The following SGCZ variants were observed in gnomAD, a reference collection of about 807,000 sequenced individuals.
The protein encoded by SGCZ is zeta-sarcoglycan.
SGCZ carries 40 observed loss-of-function variants against 41.3 expected under a neutral mutation model. The ratio of observed to expected loss-of-function variants is 0.97; its 90% confidence interval spans 0.75 to 1.26. SGCZ has a LOEUF of 1.26. Ranked by LOEUF, SGCZ falls within the 50% of genes most tolerant of loss-of-function variation. SGCZ has a pLI of 0.00. For missense variants in SGCZ, 552 were observed against 369.8 expected, an observed-to-expected ratio of 1.49 and a Z score of -4.04; for synonymous variants, 206 against 137.5, an observed-to-expected ratio of 1.50 and a Z score of -3.49.
At chr8:14,839,579 C>T (rs1196948220) in intron 1 of SGCZ, among the ~76,000 whole-genome samples, 1 of 152,084 alleles carries the variant, frequency 6.6e-6, no homozygotes, top group African/African-American at 2.4e-5. Flanking sequence ...TTATGTAGTG[C>T]AATAAACACT....
chr8:15,111,994 G>T (rs903128077), intron 1 of SGCZ, among the ~76,000 whole-genome samples: 2 of 151,498 alleles, frequency 1.3e-5, no homozygotes, highest in African/African-American at 4.9e-5. Flanking sequence ...TGTAAAACAC[G>T]CCAAGAACCT....
chr8:15,157,985 T>C (rs907255955), intron 1 of SGCZ, among the ~76,000 whole-genome samples: 1 of 152,198 alleles, frequency 6.6e-6, no homozygotes, highest in Non-Finnish European at 1.5e-5. Context: ...AGAACTGTCC[T>C]CACTTTTGTT....
chr8:15,059,535 A>C (rs1175103600), intron 1 of SGCZ, among the ~76,000 whole-genome samples: 1 of 152,222 alleles, frequency 6.6e-6, no homozygotes. Flanking sequence ...TTACATTTAG[A>C]AAATAATCAC....
chr8:14,102,485 G>A lies in SGCZ; in HGVS notation c.635C>T (p.Thr212Ile). 1 of 1,455,024 alleles carries A rather than the reference G, an allele frequency of 6.9e-7. No individual in the cohort carries two copies. Among genetic ancestry groups the A allele is most frequent in the Non-Finnish European group, 9.2e-7 (1 of 1,086,452 alleles). The allele number at this position is 1,455,024 out of a possible 1,614,324, so 90.1% of individuals were successfully genotyped here. A position where few individuals can be genotyped will look rare whatever the true frequency, so the allele number is the denominator to read the frequency against. The change falls in exon 7 of 8, where the codon ACC (threonine) becomes ATC (isoleucine). Residue 212 changes from threonine to isoleucine, a missense_variant. By Grantham distance (89) the Thr-to-Ile change is moderately conservative (BLOSUM62 -1). Transcript: ENST00000382080. ...PSQDLRLESPTRSLIMEAPRG... is the reference protein window; with the variant it reads ...PSQDLRLESPIRSLIMEAPRG... The stretch of plus-strand genomic sequence containing the variant: ...GGGAGCTTCCATGATCAAGGATCTG[G>A]TGGGTGATTCAAGCCTAAGGGAAAA...
At chr8:14,114,301 A>C (rs1802458572) in intron 5 of SGCZ, among the ~76,000 whole-genome samples, 1 of 152,040 alleles carries the variant, frequency 6.6e-6, no homozygotes, top group Admixed American at 6.6e-5. Flanking sequence ...CTCCTTGTTT[A>C]ACACTTTAAC....
intron 1 of SGCZ, among the ~76,000 whole-genome samples, chr8:15,173,678 A>C (rs575458698): frequency 6.6e-6 from 1 of 152,200 alleles, no homozygotes; most frequent in Admixed American, 6.5e-5. Flanking sequence ...CCTAATGTCT[A>C]TGTCTTGTAA....
intron 2 of SGCZ, among the ~76,000 whole-genome samples, chr8:14,382,945 T>C (rs1804424552): frequency 6.6e-6 from 1 of 152,142 alleles, no homozygotes; most frequent in Admixed American, 6.5e-5. Flanking sequence ...TCTCTTAGAA[T>C]CACTTCTCTC....
chr8:14,731,920 C>G (rs1810250921), intron 1 of SGCZ, among the ~76,000 whole-genome samples: 1 of 152,086 alleles, frequency 6.6e-6, no homozygotes, highest in African/African-American at 2.4e-5. Flanking sequence ...ATGTTAATAA[C>G]CTTACATATC....
chr8:14,214,043 C>A (rs899413234), intron 4 of SGCZ, among the ~76,000 whole-genome samples: 2 of 152,072 alleles, frequency 1.3e-5, no homozygotes, highest in African/African-American at 2.4e-5. Context: ...AAAAGAGTGA[C>A]TTTACAGTGG....
At chr8:14,352,280 C>T (rs1048039490) in intron 2 of SGCZ, among the ~76,000 whole-genome samples, 8 of 151,528 alleles carry the variant, frequency 5.3e-5, no homozygotes, top group Non-Finnish European at 1.0e-4. Context: ...GAGGAAGGTG[C>T]AGGAAAAGAG....
intron 4 of SGCZ, among the ~76,000 whole-genome samples, chr8:14,190,953 A>C (rs1805083163): frequency 6.6e-6 from 1 of 152,154 alleles, no homozygotes; most frequent in Non-Finnish European, 1.5e-5. Context: ...ATCAATCTAC[A>C]TTCCCACCAA....
At chr8:14,189,534 C>T (rs931248793) in intron 4 of SGCZ, among the ~76,000 whole-genome samples, 1 of 152,282 alleles carries the variant, frequency 6.6e-6, no homozygotes, top group East Asian at 1.9e-4. Flanking sequence ...GATCCTTCAC[C>T]CTGACATGTT....
At chr8:15,009,039 C>T (rs1802725577) in intron 1 of SGCZ, among the ~76,000 whole-genome samples, 2 of 152,092 alleles carry the variant, frequency 1.3e-5, no homozygotes, top group Non-Finnish European at 1.5e-5. Context: ...ATTGTCCCTC[C>T]TGTAAATGAA....
At chr8:14,254,553 C>A (rs991379628) in intron 3 of SGCZ, among the ~76,000 whole-genome samples, 25 of 152,118 alleles carry the variant, frequency 1.6e-4, no homozygotes, top group African/African-American at 6.0e-4. Flanking sequence ...TTGAATCCAG[C>A]TTTTAGTGTC....
chr8:15,034,119 G>T lies in SGCZ; in HGVS notation c.39+203466C>A, dbSNP rs1803785994. Among the ~76,000 whole-genome samples, 9 of 152,226 alleles carry T rather than the reference G, an allele frequency of 5.9e-5. No individual in the cohort carries two copies. In the South Asian group the frequency reaches 1.7e-3, roughly 28 times the overall value. ...TAATCTTTGAGTAGCTGACCCCAAA[G>T]AAATGGGTTCTACCCCAAACAGTCT... On this transcript the variant is annotated intron_variant, in intron 1 of 7. Transcript: ENST00000382080.
chr8:14,770,139 T>C, intron 1 of SGCZ, among the ~76,000 whole-genome samples: 1 of 122,400 alleles, frequency 8.2e-6, no homozygotes, highest in African/African-American at 3.5e-5. Flanking sequence ...TTATATCTAT[T>C]ATATACATAA....
chr8:14,396,688 C>T (rs542320739), intron 2 of SGCZ, among the ~76,000 whole-genome samples: 1 of 152,044 alleles, frequency 6.6e-6, no homozygotes, highest in Admixed American at 6.6e-5. Context: ...TCAAATTCTT[C>T]AGGGGTTTTC....
intron 1 of SGCZ, among the ~76,000 whole-genome samples, chr8:15,178,544 T>C (rs1305924359): frequency 6.6e-6 from 1 of 152,220 alleles, no homozygotes; most frequent in East Asian, 1.9e-4. Context: ...CCTTATTCTT[T>C]GTTTATTGTA....
chr8:14,423,237 C>A (rs3887290), intron 2 of SGCZ, among the ~76,000 whole-genome samples: 29,722 of 151,532 alleles, frequency 0.2, 3,656 homozygotes, highest in Non-Finnish European at 0.29. Context: ...GGGTGCAGCA[C>A]ACCAGCATGG....
Sources: gnomAD v4.1 joint callset for allele counts (sites outside exome capture counted in the v4.1 genomes callset) on GRCh38, gnomAD v4.1.1 for gene constraint, MANE v1.5 for transcripts, NCBI Gene and HGNC (gene_info 2026-07-23, HGNC 2026-07-21) for gene names.